NUP155: variants seen among roughly 807,000 people sequenced by gnomAD.
NUP155 encodes the protein nuclear pore complex protein Nup155.
Under a neutral mutation model 180.4 loss-of-function variants are expected in NUP155, and 71 were observed. The observed-to-expected ratio is 0.39, with a 90% CI of 0.33 to 0.48. The LOEUF (loss-of-function observed/expected upper bound fraction) is 0.48, where lower values mean the gene tolerates loss of function less well. NUP155 is among the 20% of genes least tolerant of loss of function. The pLI is 0.91. For synonymous variants in NUP155, 582 were observed against 559.5 expected (o/e 1.04, Z -0.57); for missense variants, 1,553 against 1,648.9 (o/e 0.94, Z 1.01).
intron 1 of NUP155, among the ~76,000 whole-genome samples, chr5:37,365,752 T>TACACAC (rs372031424): frequency 0.02 from 758 of 37,826 alleles, 20 homozygotes; most frequent in South Asian, 0.033. Context: ...TATATATATA[T>TACACAC]ACACACACAC....
intron 10 of NUP155, among the ~76,000 whole-genome samples, chr5:37,342,245 C>T (rs1745774332): frequency 6.6e-6 from 1 of 152,016 alleles, no homozygotes; most frequent in Admixed American, 6.6e-5. Context: ...CAGGGTTTCA[C>T]CATGTTGCTC....
chr5:37,344,496 T>TAA (rs1211738861), intron 9 of NUP155, among the ~76,000 whole-genome samples: 2 of 125,826 alleles, frequency 1.6e-5, no homozygotes, highest in South Asian at 4.9e-4. Flanking sequence ...GTCAATATTA[T>TAA]AAAAAAAAAA....
rs545547254 is a variant in NUP155 at position 37,311,767 on chromosome 5, C to A, written c.2437-1024G>T. Among the ~76,000 whole-genome samples the A allele has an allele frequency of 2.0e-5, 3 of 151,142 alleles. No individual in the cohort carries two copies. In the East Asian group the frequency reaches 5.8e-4, roughly 29 times the overall value. Reference sequence around the variant, plus strand: ...GGGCATGGTGGCTCATGCCTGTAATCCCAGCACTTTGGGAGGCCAAGGCAG... The same window carrying A: ...GGGCATGGTGGCTCATGCCTGTAATACCAGCACTTTGGGAGGCCAAGGCAG... On this transcript the variant is annotated intron_variant, in intron 22 of 34. Transcript: ENST00000231498.
In NUP155 at chr5:37,325,903, C is replaced by T. The variant is rs1033188399; in HGVS notation, c.2089G>A (p.Ala697Thr). The T allele has an allele frequency of 1.3e-6, 2 of 1,589,342 alleles. No individual in the cohort carries two copies. Among genetic ancestry groups the T allele is most frequent in the Non-Finnish European group, 8.6e-7 (1 of 1,158,380 alleles). ...AAAATAATATTATACACACTTACTGCAGTGATCTCTCTGTTGCCACTCTTG... is the reference window on the plus strand; with the variant it reads ...AAAATAATATTATACACACTTACTGTAGTGATCTCTCTGTTGCCACTCTTG... Reference protein sequence around the residue: ...IFKSGNREITAIESSVPCQLL... With the variant: ...IFKSGNREITTIESSVPCQLL... Residue 697 changes from alanine to threonine, a missense_variant and splice_region_variant, in exon 19 of 35, where the codon GCA becomes ACA. Ala to Thr is a moderately conservative substitution (Grantham distance 58). Coordinates refer to ENST00000231498, the MANE Select transcript of NUP155 (RefSeq NM_153485.3).
intron 12 of NUP155, among the ~76,000 whole-genome samples, chr5:37,336,743 C>A (rs1332989079): frequency 1.3e-5 from 2 of 152,130 alleles, no homozygotes; most frequent in African/African-American, 4.8e-5. Flanking sequence ...TCCTTATCTT[C>A]CTCCTGCTCC....
rs1258024160 is a variant in NUP155 at position 37,292,885 on chromosome 5, C to T, written c.4031G>A (p.Cys1344Tyr). The T allele has an allele frequency of 8.8e-6, 14 of 1,596,634 alleles. No homozygotes were observed. Among genetic ancestry groups the T allele is most frequent in the Non-Finnish European group, 1.2e-5 (14 of 1,164,946 alleles). ...ATATTTAATTCATAAGTACCTTTCA[C>T]AATTTAAAACTTGGCTGGGATTCTC... ...YVENPSQVLN[C>Y]ERRRFTNLCL... Residue 1344 changes from cysteine (C) to tyrosine (Y), a missense_variant, in exon 34 of 35, where the codon TGT becomes TAT. Physicochemically the swap from Cys to Tyr is radical, Grantham distance 194. Coordinates refer to ENST00000231498, the MANE Select transcript of NUP155 (RefSeq NM_153485.3).
intron 1 of NUP155, among the ~76,000 whole-genome samples, chr5:37,364,755 G>C (rs1430650286): frequency 1.3e-5 from 2 of 151,636 alleles, no homozygotes; most frequent in African/African-American, 4.8e-5. Context: ...TCCTGCCTCA[G>C]TCTCCCAAGT....
At chr5:37,346,772 C>T (rs764839234) in intron 9 of NUP155, among the ~76,000 whole-genome samples, 1 of 152,090 alleles carries the variant, frequency 6.6e-6, no homozygotes, top group Non-Finnish European at 1.5e-5. Context: ...TTGGCTTCCG[C>T]GTTAGGTTCT....
At chr5:37,322,258 A>G (rs964759340) in intron 20 of NUP155, among the ~76,000 whole-genome samples, 2 of 152,122 alleles carry the variant, frequency 1.3e-5, no homozygotes, top group Non-Finnish European at 2.9e-5. Context: ...AAGTGTTGGG[A>G]TTATAGGTGT....
At chr5:37,325,483 A>G (rs1053489796) in intron 19 of NUP155, among the ~76,000 whole-genome samples, 4 of 152,048 alleles carry the variant, frequency 2.6e-5, no homozygotes, top group Non-Finnish European at 5.9e-5. Flanking sequence ...TAAAAGAATA[A>G]CCCGCCAGGC....
intron 25 of NUP155, among the ~76,000 whole-genome samples, chr5:37,306,419 AAAAAC>A (rs1160209624): frequency 2.0e-5 from 3 of 152,154 alleles, no homozygotes; most frequent in African/African-American, 7.2e-5. Context: ...AAACAAAAAC[AAAAAC>A]AAAACAAAAC....
chr5:37,353,434 T>C (rs1561809141), intron 4 of NUP155, among the ~76,000 whole-genome samples: 3 of 151,760 alleles, frequency 2.0e-5, no homozygotes, highest in Non-Finnish European at 4.4e-5. Context: ...AACAAAAAAT[T>C]AGCCGAGTGT....
intron 22 of NUP155, among the ~76,000 whole-genome samples, chr5:37,311,546 T>C (rs1743526638): frequency 6.6e-6 from 1 of 152,084 alleles, no homozygotes; most frequent in Non-Finnish European, 1.5e-5. Flanking sequence ...ACACTATTCA[T>C]TGGACACTAG....
chr5:37,295,606 G>A (rs375748850), intron 32 of NUP155, among the ~76,000 whole-genome samples: 1 of 104,302 alleles, frequency 9.6e-6, no homozygotes, highest in African/African-American at 3.2e-5. Context: ...AGTGAGGAGC[G>A]CCTCTTCCCG....
chr5:37,333,494 G>A lies in NUP155; in HGVS notation c.1487C>T (p.Pro496Leu). The change falls in exon 13 of 35, where the codon CCT (proline) becomes CTT (leucine). Residue 496 changes from proline to leucine, a missense_variant. Physicochemically the swap from Pro to Leu is moderately conservative, Grantham distance 98. Coordinates refer to ENST00000231498, the MANE Select transcript of NUP155 (RefSeq NM_153485.3). ...TGAGAGGAGAACAAATTTCTTCGGA[G>A]GTAACATGTGCTGCTGTACAACAAC... ...SPVVVQQHML[P>L]PKKFVLLSAQ... 4.3e-6 allele frequency: 7 copies of A among 1,614,110 alleles called. No individual in the cohort carries two copies. The highest frequency in any genetic ancestry group is 5.9e-6 in the Non-Finnish European group (7 of 1,179,978).
At chr5:37,360,446 C>T (rs1264756890) in intron 3 of NUP155, among the ~76,000 whole-genome samples, 1 of 151,776 alleles carries the variant, frequency 6.6e-6, no homozygotes, top group African/African-American at 2.4e-5. Context: ...GATCTTGCCA[C>T]TGCACTCCAG....
intron 32 of NUP155, among the ~76,000 whole-genome samples, chr5:37,297,246 G>A (rs1581128326): frequency 6.6e-6 from 1 of 152,000 alleles, no homozygotes; most frequent in Non-Finnish European, 1.5e-5. Context: ...TCAAACTCCT[G>A]GCTTCAAGCA....
At chr5:37,323,609 T>C (rs1259639262) in intron 20 of NUP155, among the ~76,000 whole-genome samples, 1 of 132,260 alleles carries the variant, frequency 7.6e-6, no homozygotes, top group Non-Finnish European at 1.6e-5. Context: ...TTTATATAAC[T>C]ATATTTCTAT....
intron 4 of NUP155, among the ~76,000 whole-genome samples, chr5:37,355,409 G>A (rs1391841921): frequency 6.6e-6 from 1 of 151,764 alleles, no homozygotes; most frequent in East Asian, 1.9e-4. Context: ...TCAGGAGCCT[G>A]AGGCAGGAGA....
Sources: gnomAD v4.1 joint callset for allele counts (sites outside exome capture counted in the v4.1 genomes callset) on GRCh38, gnomAD v4.1.1 for gene constraint, MANE v1.5 for transcripts, NCBI Gene and HGNC (gene_info 2026-07-23, HGNC 2026-07-21) for gene names.